The following KIAA1328 variants were observed in gnomAD, a reference collection of about 807,000 sequenced individuals.
KIAA1328 encodes the protein protein hinderin.
KIAA1328 carries 52 observed loss-of-function variants against 68.1 expected under a neutral mutation model. The observed-to-expected ratio is 0.76, with a 90% CI of 0.61 to 0.96. The LOEUF is 0.96. Ranked by LOEUF, KIAA1328 falls within the 40% of genes least tolerant of loss-of-function variation. KIAA1328 has a pLI of 0.00. For synonymous variants in KIAA1328, 232 were observed against 239.4 expected, an observed-to-expected ratio of 0.97 and a Z score of 0.28; for missense variants, 641 against 677.6, an observed-to-expected ratio of 0.95 and a Z score of 0.60.
At chr18:37,055,443 C>G (rs1177858206) in intron 6 of KIAA1328, among the ~76,000 whole-genome samples, 1 of 152,138 alleles carries the variant, frequency 6.6e-6, no homozygotes, top group East Asian at 1.9e-4. Context: ...AGTTCATATG[C>G]TTAGAAGGTA....
Position 37,172,981 on chromosome 18 carries a change from A to G in KIAA1328, c.1423A>G (p.Thr475Ala), listed in dbSNP as rs891134018. Residue 475 changes from threonine (T) to alanine (A), a missense_variant, in exon 9 of 10, where the codon ACA (threonine) becomes GCA (alanine). By Grantham distance (58) the Thr-to-Ala change is moderately conservative. Transcript: ENST00000280020. ...CTTTATTTTTCATATAGGGACAGTG[A>G]CAGGAGTTAGAAAAGATGCGTCTAC... ...DTCRPQRGTV[T>A]GVRKDASTSP... The G allele has an allele frequency of 1.2e-6, 2 of 1,610,846 alleles. No individual in the cohort carries two copies. The highest frequency in any genetic ancestry group is 1.7e-6 in the Non-Finnish European group (2 of 1,178,266).
chr18:36,882,361 T>C (rs904448578), intron 4 of KIAA1328, among the ~76,000 whole-genome samples: 1 of 152,170 alleles, frequency 6.6e-6, no homozygotes, highest in Admixed American at 6.5e-5. Flanking sequence ...TACATATACT[T>C]CATTGGAAAT....
At chr18:36,872,175 G>GA (rs1211635037) in intron 4 of KIAA1328, among the ~76,000 whole-genome samples, 1 of 152,112 alleles carries the variant, frequency 6.6e-6, no homozygotes, top group Non-Finnish European at 1.5e-5. Context: ...TCCAGGTGGT[G>GA]AGGAGGGTCC....
Position 36,863,005 on chromosome 18 carries a change from A to T in KIAA1328, c.332+18703A>T. Among the ~76,000 whole-genome samples, 2 of 151,976 alleles carry T rather than the reference A, an allele frequency of 1.3e-5. 1 individual carries two copies. Among genetic ancestry groups the T allele is most frequent in the Non-Finnish European group, 2.9e-5 (2 of 67,980 alleles). On this transcript the variant is annotated intron_variant, in intron 4 of 9. Transcript: ENST00000280020. ...TTCCTTTAGCCCCATTTCTTATTGC[A>T]ATTTTTTTGTTGTTGTAACTTGAAT...
chr18:37,068,288 A>G (rs1053685771), intron 7 of KIAA1328, among the ~76,000 whole-genome samples: 1 of 152,180 alleles, frequency 6.6e-6, no homozygotes, highest in African/African-American at 2.4e-5. Context: ...ATAAAATATA[A>G]CAAGTGATGG....
At chr18:36,943,072 G>C (rs189607364) in intron 5 of KIAA1328, among the ~76,000 whole-genome samples, 1 of 152,248 alleles carries the variant, frequency 6.6e-6, no homozygotes, top group East Asian at 1.9e-4. Context: ...TAAAACACTT[G>C]GTGTGCACTG....
At chr18:37,160,480 G>T in intron 8 of KIAA1328, 99 bp downstream of exon 8, 6 of 1,106,354 alleles carry the variant, frequency 5.4e-6, no homozygotes, top group Non-Finnish European at 7.7e-6. Context: ...CTGAGCAAAA[G>T]TTAAATGTTT....
intron 4 of KIAA1328, among the ~76,000 whole-genome samples, chr18:36,870,480 A>C (rs540319333): frequency 8.7e-6 from 1 of 114,372 alleles, no homozygotes; most frequent in East Asian, 1.9e-4. Flanking sequence ...AAATAAAGCT[A>C]AAATAAAATA....
chr18:37,061,493 T>C (rs2056145784), intron 6 of KIAA1328, among the ~76,000 whole-genome samples: 1 of 152,084 alleles, frequency 6.6e-6, no homozygotes, highest in African/African-American at 2.4e-5. Context: ...CGCCTCAATG[T>C]TTTAAAAAAA....
intron 6 of KIAA1328, among the ~76,000 whole-genome samples, chr18:37,057,677 C>T (rs1223013006): frequency 6.6e-6 from 1 of 151,980 alleles, no homozygotes; most frequent in Non-Finnish European, 1.5e-5. Flanking sequence ...CCTCGTGATC[C>T]ACCTGCCTCG....
intron 7 of KIAA1328, among the ~76,000 whole-genome samples, chr18:37,143,829 A>G (rs1250576757): frequency 1.3e-5 from 2 of 151,732 alleles, no homozygotes; most frequent in African/African-American, 4.8e-5. Context: ...ACTTACCTGA[A>G]TTTATTTTTG....
At chr18:36,886,006 C>G (rs1356170923) in intron 5 of KIAA1328, 3 of 279,504 alleles carry the variant, frequency 1.1e-5, no homozygotes, top group Non-Finnish European at 2.0e-5. Flanking sequence ...TGTGAGCCAC[C>G]GTGCCTGGCC....
chr18:37,013,616 A>C (rs921731908), intron 6 of KIAA1328, among the ~76,000 whole-genome samples: 1 of 152,162 alleles, frequency 6.6e-6, no homozygotes, highest in Non-Finnish European at 1.5e-5. Flanking sequence ...CTGTTCCTGC[A>C]TTAATTCACT....
In KIAA1328 at chr18:37,224,728, C is replaced by G; in HGVS notation, c.*2501C>G. 7.1e-6 allele frequency: 7 copies of G among 985,434 alleles called. No homozygotes were observed. The highest frequency in any genetic ancestry group is 8.4e-6 in the Non-Finnish European group (7 of 829,940). 61.0% of individuals were successfully genotyped at this position (985,434 alleles called of 1,614,324 possible). On this transcript the variant is annotated 3_prime_UTR_variant, in exon 10 of 10. Coordinates refer to ENST00000280020, the MANE Select transcript of KIAA1328 (RefSeq NM_020776.3). ...TCCGTCTCAAGTCTCCCACCCTTGA[C>G]TGGTTGGGATTTGCTCGTCCAGCCT...
intron 5 of KIAA1328, among the ~76,000 whole-genome samples, chr18:36,912,672 A>G (rs746350383): frequency 6.6e-6 from 1 of 152,192 alleles, no homozygotes; most frequent in Non-Finnish European, 1.5e-5. Flanking sequence ...ACATTCCCAA[A>G]GTCTAATGCT....
chr18:37,166,440 AT>A (rs567755291), intron 8 of KIAA1328, among the ~76,000 whole-genome samples: 29 of 151,990 alleles, frequency 1.9e-4, no homozygotes, highest in South Asian at 4.2e-4. Flanking sequence ...TTTTGTTGTG[AT>A]TTTTTTTAAG....
intron 6 of KIAA1328, among the ~76,000 whole-genome samples, chr18:36,981,481 A>G (rs941377147): frequency 1.3e-5 from 2 of 152,210 alleles, no homozygotes; most frequent in Non-Finnish European, 2.9e-5. Flanking sequence ...ATTGACACAG[A>G]TAATAAAATT....
chr18:37,097,928 C>A (rs1784647518), intron 7 of KIAA1328, among the ~76,000 whole-genome samples: 1 of 152,094 alleles, frequency 6.6e-6, no homozygotes, highest in South Asian at 2.1e-4. Flanking sequence ...GATTTTGTAT[C>A]CTGAGACTTT....
intron 6 of KIAA1328, among the ~76,000 whole-genome samples, chr18:37,010,646 A>G (rs1271772250): frequency 3.3e-5 from 5 of 152,074 alleles, no homozygotes; most frequent in South Asian, 2.1e-4. Context: ...AGGGAAGGTG[A>G]TGGAGATAAG....
Sources: gnomAD v4.1 joint callset for allele counts (sites outside exome capture counted in the v4.1 genomes callset) on GRCh38, gnomAD v4.1.1 for gene constraint, MANE v1.5 for transcripts, NCBI Gene and HGNC (gene_info 2026-07-23, HGNC 2026-07-21) for gene names.